Variants in ERC1 observed in about 807,000 individuals in gnomAD.
ERC1 encodes ELKS/RAB6-interacting/CAST family member 1.
In ERC1, 56 loss-of-function variants were observed where a neutral mutation model predicts 132.0. That is an observed-to-expected ratio of 0.42 (90% confidence interval 0.34 to 0.53). ERC1 has a LOEUF of 0.53. Ranked by LOEUF, ERC1 falls within the 20% of genes least tolerant of loss-of-function variation. The probability of loss-of-function intolerance (pLI) is 0.03; values close to 1 mark genes in which losing one functional copy is unlikely to be tolerated. For synonymous variants in ERC1, 478 were observed against 476.1 expected (o/e 1.00, Z -0.05); for missense variants, 1,202 against 1,349.9 (o/e 0.89, Z 1.72).
At chr12:1,243,563 G>T (rs1281664971) in intron 13 of ERC1, among the ~76,000 whole-genome samples, 2 of 152,230 alleles carry the variant, frequency 1.3e-5, no homozygotes, top group Non-Finnish European at 2.9e-5. Flanking sequence ...CATTAGGAGA[G>T]AACTTTTAAT....
intron 1 of ERC1, among the ~76,000 whole-genome samples, chr12:999,319 C>T (rs573871265): frequency 1.3e-5 from 2 of 152,260 alleles, no homozygotes; most frequent in South Asian, 2.1e-4. Context: ...ACCACTCTAT[C>T]GAATTGCTAC....
At chr12:1,268,312 A>C (rs1406981351) in intron 14 of ERC1, among the ~76,000 whole-genome samples, 1 of 152,216 alleles carries the variant, frequency 6.6e-6, no homozygotes, top group Non-Finnish European at 1.5e-5. Flanking sequence ...TCTGAAAATA[A>C]AATTATACTT....
rs1480849183 is a variant in ERC1 at position 1,030,251 on chromosome 12, G to T, written c.669+1679G>T. 3.3e-5 allele frequency among the ~76,000 whole-genome samples: 5 copies of T among 152,034 alleles called. No individual in the cohort carries two copies. In the East Asian group the frequency reaches 9.6e-4, roughly 29 times the overall value. Reference sequence around the variant, plus strand: ...GTATTACACTTTATTTTTGGATTAGGTTAATAAAAATTATAAAGAAAGCAA... The same window carrying T: ...GTATTACACTTTATTTTTGGATTAGTTTAATAAAAATTATAAAGAAAGCAA... On this transcript the variant is annotated intron_variant, in intron 2 of 18. Transcript: ENST00000360905.
At chr12:1,236,308 T>C (rs2075408670) in intron 12 of ERC1, among the ~76,000 whole-genome samples, 1 of 152,190 alleles carries the variant, frequency 6.6e-6, no homozygotes, top group Non-Finnish European at 1.5e-5. Context: ...TTTATGTCAT[T>C]ATTTTCATAT....
intron 17 of ERC1, among the ~76,000 whole-genome samples, chr12:1,434,017 G>A (rs1191262387): frequency 6.6e-6 from 1 of 150,898 alleles, no homozygotes; most frequent in African/African-American, 2.4e-5. Flanking sequence ...CTCCCTGGTA[G>A]GAGAACCAGG....
intron 18 of ERC1, among the ~76,000 whole-genome samples, chr12:1,477,815 G>A (rs2094004616): frequency 6.6e-6 from 1 of 152,114 alleles, no homozygotes; most frequent in Admixed American, 6.5e-5. Context: ...CCACAGATTA[G>A]TTCTGCCTGT....
chr12:1,326,392 C>CT, intron 15 of ERC1, among the ~76,000 whole-genome samples: 1 of 152,294 alleles, frequency 6.6e-6, no homozygotes, highest in East Asian at 1.9e-4. Flanking sequence ...AATCATGAAT[C>CT]TACAGTGCCG....
chr12:1,204,383 C>G, intron 12 of ERC1: 1 of 768,000 alleles, frequency 1.3e-6, no homozygotes, highest in Non-Finnish European at 2.1e-6. Context: ...GTGACTCCTT[C>G]CCTTCTCTAA....
At chr12:1,068,019 C>T (rs967063151) in intron 2 of ERC1, among the ~76,000 whole-genome samples, 4 of 150,640 alleles carry the variant, frequency 2.7e-5, no homozygotes, top group Admixed American at 2.7e-4. Context: ...GCAGCATCCA[C>T]CTCCCGAGTT....
At chr12:1,228,357 C>CGTCTTGATGCTATTGT (rs1566313396) in intron 12 of ERC1, among the ~76,000 whole-genome samples, 2 of 151,234 alleles carry the variant, frequency 1.3e-5, no homozygotes, top group African/African-American at 2.4e-5. Context: ...CAGTTGTATA[C>CGTCTTGATGCTATTGT]AAAAATATAC....
chr12:1,153,996 C>T (rs888585685), intron 8 of ERC1, among the ~76,000 whole-genome samples: 8 of 152,022 alleles, frequency 5.3e-5, no homozygotes, highest in African/African-American at 1.9e-4. Context: ...TGCCTGCCTC[C>T]CCCTGCTCTG....
chr12:1,219,750 C>T (rs970432548), intron 12 of ERC1, among the ~76,000 whole-genome samples: 4 of 151,972 alleles, frequency 2.6e-5, no homozygotes, highest in Non-Finnish European at 4.4e-5. Context: ...ATCCTCCCAC[C>T]TCAGCCTCCC....
At chr12:1,462,623 A>G (rs1040089817) in intron 18 of ERC1, among the ~76,000 whole-genome samples, 1 of 152,232 alleles carries the variant, frequency 6.6e-6, no homozygotes, top group Non-Finnish European at 1.5e-5. Context: ...ACATTCAGGA[A>G]CAGAATAAAT....
intron 13 of ERC1, among the ~76,000 whole-genome samples, chr12:1,254,778 G>T (rs955010653): frequency 9.9e-5 from 15 of 152,148 alleles, no homozygotes; most frequent in Admixed American, 9.8e-4. Flanking sequence ...TTCCCAAAGT[G>T]CTGGGATTAC....
chr12:1,385,314 G>C (rs775523361), intron 16 of ERC1, among the ~76,000 whole-genome samples: 1 of 151,052 alleles, frequency 6.6e-6, no homozygotes, highest in African/African-American at 2.4e-5. Flanking sequence ...ACGGAGTCTC[G>C]CTCTGTCGCC....
At chr12:1,330,703 G>A (rs529209029) in intron 15 of ERC1, among the ~76,000 whole-genome samples, 1 of 151,906 alleles carries the variant, frequency 6.6e-6, no homozygotes, top group Non-Finnish European at 1.5e-5. Flanking sequence ...ATATCTTAAA[G>A]TTGAAGACTC....
chr12:1,118,322 C>CT (rs921694213), intron 7 of ERC1, among the ~76,000 whole-genome samples: 2 of 152,162 alleles, frequency 1.3e-5, no homozygotes, highest in African/African-American at 4.8e-5. Flanking sequence ...TAATAAATGA[C>CT]TTTTCCCCCT....
intron 7 of ERC1, among the ~76,000 whole-genome samples, chr12:1,116,424 A>G (rs1454598472): frequency 1.3e-5 from 2 of 152,164 alleles, no homozygotes; most frequent in Non-Finnish European, 2.9e-5. Flanking sequence ...AGTACATTTA[A>G]GTGTCTTTAA....
chr12:995,989 CTTGA>C (rs1345234238), intron 1 of ERC1, among the ~76,000 whole-genome samples: 1 of 151,996 alleles, frequency 6.6e-6, no homozygotes, highest in East Asian at 1.9e-4. Flanking sequence ...GAGAATTCTG[CTTGA>C]TTATGATGTC....
Sources: gnomAD v4.1 joint callset for allele counts (sites outside exome capture counted in the v4.1 genomes callset) on GRCh38, gnomAD v4.1.1 for gene constraint, MANE v1.5 for transcripts, NCBI Gene and HGNC (gene_info 2026-07-23, HGNC 2026-07-21) for gene names.